Variants in TANC1 observed in about 807,000 individuals in gnomAD.
TANC1 encodes tetratricopeptide repeat, ankyrin repeat and coiled-coil containing 1, also known as protein TANC1.
In TANC1, 77 loss-of-function variants were observed where a neutral mutation model predicts 149.7. The ratio of observed to expected loss-of-function variants is 0.51; its 90% CI spans 0.43 to 0.62. The LOEUF (loss-of-function observed/expected upper bound fraction) is 0.62. Ranked by LOEUF, TANC1 falls within the 20% of genes least tolerant of loss-of-function variation. The probability of loss-of-function intolerance (pLI) is 0.00; values close to 1 mark genes in which losing one functional copy is unlikely to be tolerated. For synonymous variants in TANC1, 854 were observed against 925.0 expected (o/e 0.92, Z 1.39); for missense variants, 1,985 against 2,321.8 (o/e 0.85, Z 2.98).
At chr2:159,077,715 T>C (rs1005549669) in intron 3 of TANC1, among the ~76,000 whole-genome samples, 6 of 152,224 alleles carry the variant, frequency 3.9e-5, no homozygotes, top group Non-Finnish European at 7.3e-5. Flanking sequence ...TATCTCATTC[T>C]TCTGTTGATG....
chr2:158,987,777 T>G (rs1010077935), intron 1 of TANC1, among the ~76,000 whole-genome samples: 1 of 152,098 alleles, frequency 6.6e-6, no homozygotes, highest in Non-Finnish European at 1.5e-5. Flanking sequence ...ATTTGGAATG[T>G]GGGAAGGTAG....
intron 23 of TANC1, 128 bp from the exon 24 acceptor site, chr2:159,225,560 C>A: frequency 1.4e-6 from 1 of 711,578 alleles, no homozygotes; most frequent in Non-Finnish European, 2.5e-6. Context: ...TGCTCCCTCC[C>A]TCATCGTGCT....
At chr2:159,157,482 G>A (rs1363673769) in intron 7 of TANC1, among the ~76,000 whole-genome samples, 4 of 152,204 alleles carry the variant, frequency 2.6e-5, no homozygotes, top group African/African-American at 9.6e-5. Context: ...TGGGTGTGAG[G>A]TGTGGGTGCA....
At chr2:159,117,639 G>A (rs1014237452) in intron 4 of TANC1, among the ~76,000 whole-genome samples, 19 of 149,848 alleles carry the variant, frequency 1.3e-4, no homozygotes, top group African/African-American at 4.4e-4. Flanking sequence ...CTCGTGACCC[G>A]CCTGCCTCGG....
intron 14 of TANC1, among the ~76,000 whole-genome samples, chr2:159,181,584 A>C (rs2056483449): frequency 6.6e-6 from 1 of 152,244 alleles, no homozygotes; most frequent in African/African-American, 2.4e-5. Flanking sequence ...GGCGTGAGCC[A>C]CTGCGCCCGG....
chr2:159,007,138 G>GTTTTTTTTT (rs70994252), intron 2 of TANC1, among the ~76,000 whole-genome samples: 8 of 69,514 alleles, frequency 1.2e-4, no homozygotes, highest in Non-Finnish European at 1.8e-4. Context: ...CTTTAATACT[G>GTTTTTTTTT]TTTTTTTTTT....
intron 5 of TANC1, among the ~76,000 whole-genome samples, chr2:159,143,501 G>A (rs1240119927): frequency 1.5e-5 from 2 of 129,234 alleles, no homozygotes; most frequent in Admixed American, 9.2e-5. Flanking sequence ...AGGACTGCTT[G>A]AGCCCCAGGA....
intron 2 of TANC1, among the ~76,000 whole-genome samples, chr2:159,033,927 GA>G (rs1553521285): frequency 6.6e-6 from 1 of 152,172 alleles, no homozygotes; most frequent in Non-Finnish European, 1.5e-5. Flanking sequence ...TGGTGAGCAA[GA>G]AAATATGGAT....
intron 19 of TANC1, among the ~76,000 whole-genome samples, chr2:159,216,079 C>T (rs2059327940): frequency 6.6e-6 from 1 of 152,164 alleles, no homozygotes. Context: ...GCCTGTTTTC[C>T]AGAGCAGCCA....
At chr2:159,020,296 T>C (rs896202180) in intron 2 of TANC1, among the ~76,000 whole-genome samples, 1 of 151,916 alleles carries the variant, frequency 6.6e-6, no homozygotes, top group African/African-American at 2.4e-5. Flanking sequence ...GTATTTTTCG[T>C]AGAGACAGGG....
chr2:159,002,710 C>T (rs2036729432), intron 2 of TANC1, among the ~76,000 whole-genome samples: 1 of 152,166 alleles, frequency 6.6e-6, no homozygotes, highest in Admixed American at 6.5e-5. Context: ...CTGTTACCTT[C>T]ATGTGTTTAC....
chr2:158,983,058 G>A (rs1430847512), intron 1 of TANC1, among the ~76,000 whole-genome samples: 2 of 152,192 alleles, frequency 1.3e-5, no homozygotes, highest in East Asian at 1.9e-4. Context: ...AAGATAATCT[G>A]TATGGGAGTT....
rs1194118681 is a variant in TANC1 at position 159,232,429 on chromosome 2, G to GT, written c.*1421dup. The GT allele has an allele frequency of 6.6e-6, 1 of 152,580 alleles. No individual in the cohort carries two copies. The highest frequency in any genetic ancestry group is 1.5e-5 in the Non-Finnish European group (1 of 67,996). 9.5% of individuals were successfully genotyped at this position (152,580 alleles called of 1,614,324 possible). A position where few individuals can be genotyped will look rare whatever the true frequency, so the allele number is the denominator to read the frequency against. On this transcript the variant is annotated 3_prime_UTR_variant, in exon 27 of 27. Transcript: ENST00000263635. ...TGAAGTTCCTGTGAACATCATTATG[G>GT]TTTTGTACAAATAGGAACCTCTGAT...
At chr2:159,122,672 G>A (rs1279955962) in intron 4 of TANC1, among the ~76,000 whole-genome samples, 1 of 151,920 alleles carries the variant, frequency 6.6e-6, no homozygotes, top group African/African-American at 2.4e-5. Flanking sequence ...GTTTAGAATT[G>A]TGTATAACCT....
chr2:159,178,806 A>G lies in TANC1; in HGVS notation c.2153A>G (p.His718Arg), dbSNP rs745848603. Reference protein sequence around the residue: ...KLTLDLFQRGHLVIKSASYKV... With the variant: ...KLTLDLFQRGRLVIKSASYKV... ...ACCCTGGACCTTTTCCAGAGGGGCC[A>G]CTTGGTCATTAAGAGTGCCAGCTAC... is the stretch of plus-strand genomic sequence containing the variant. Residue 718 changes from histidine (H) to arginine (R), a missense_variant, in exon 14 of 27, where the codon CAC (histidine) becomes CGC (arginine). Coordinates refer to ENST00000263635, the MANE Select transcript of TANC1 (RefSeq NM_033394.3). The G allele has an allele frequency of 1.9e-6, 3 of 1,614,198 alleles. No homozygotes were observed. Among genetic ancestry groups the G allele is most frequent in the South Asian group, 1.1e-5 (1 of 91,086 alleles).
chr2:159,059,450 G>A (rs2042071292), intron 2 of TANC1, among the ~76,000 whole-genome samples: 2 of 151,722 alleles, frequency 1.3e-5, no homozygotes, highest in Admixed American at 6.6e-5. Flanking sequence ...GCAGTGAACT[G>A]TCACTGTCAT....
intron 1 of TANC1, among the ~76,000 whole-genome samples, chr2:158,971,839 G>A (rs1454792795): frequency 6.6e-6 from 1 of 152,198 alleles, no homozygotes; most frequent in Non-Finnish European, 1.5e-5. Flanking sequence ...GGCCTAGAAA[G>A]TTAAATTAGA....
At chr2:159,156,684 A>G (rs2053474019) in intron 7 of TANC1, among the ~76,000 whole-genome samples, 1 of 152,238 alleles carries the variant, frequency 6.6e-6, no homozygotes, top group Non-Finnish European at 1.5e-5. Context: ...TGATACCACT[A>G]ATCGAACTCT....
At chr2:159,102,495 T>A (rs370323762) in intron 4 of TANC1, among the ~76,000 whole-genome samples, 1,637 of 139,592 alleles carry the variant, frequency 0.012, 30 homozygotes, top group African/African-American at 0.042. Context: ...GTTTTTGCCA[T>A]GTTGCCTAGT....
Sources: gnomAD v4.1 joint callset for allele counts (sites outside exome capture counted in the v4.1 genomes callset) on GRCh38, gnomAD v4.1.1 for gene constraint, MANE v1.5 for transcripts, NCBI Gene and HGNC (gene_info 2026-07-23, HGNC 2026-07-21) for gene names.